Variants in SCFD2 observed in about 807,000 individuals in gnomAD.
SCFD2 encodes sec1 family domain-containing protein 2.
SCFD2 carries 54 observed loss-of-function variants against 58.9 expected under a neutral mutation model. The observed-to-expected ratio is 0.92, with a 90% CI of 0.74 to 1.15. The LOEUF (loss-of-function observed/expected upper bound fraction) is 1.15, where lower values mean the gene tolerates loss of function less well. SCFD2 is among the 50% of genes most tolerant of loss of function. The probability of loss-of-function intolerance (pLI) is 0.00; values close to 1 mark genes in which losing one functional copy is unlikely to be tolerated. For missense variants in SCFD2, 805 were observed against 836.6 expected (o/e 0.96, Z 0.47); for synonymous variants, 321 against 335.9 (o/e 0.96, Z 0.49).
At chr4:53,210,862 C>A (rs867539504) in intron 4 of SCFD2, among the ~76,000 whole-genome samples, 2 of 151,988 alleles carry the variant, frequency 1.3e-5, no homozygotes, top group South Asian at 4.2e-4. Context: ...TCTTCCCCTG[C>A]CTTTCTGTTG....
intron 5 of SCFD2, among the ~76,000 whole-genome samples, chr4:53,063,591 A>C (rs1288555948): frequency 6.6e-6 from 1 of 152,062 alleles, no homozygotes; most frequent in East Asian, 1.9e-4. Flanking sequence ...TGCCAGTCTC[A>C]AGTCAGATAA....
intron 5 of SCFD2, among the ~76,000 whole-genome samples, chr4:52,975,798 A>G (rs990573151): frequency 6.6e-6 from 1 of 152,216 alleles, no homozygotes; most frequent in African/African-American, 2.4e-5. Flanking sequence ...GATAGACTGT[A>G]TTAAGAAAAT....
At chr4:52,963,719 C>G (rs1483227) in intron 5 of SCFD2, among the ~76,000 whole-genome samples, 2 of 151,922 alleles carry the variant, frequency 1.3e-5, no homozygotes, top group South Asian at 4.2e-4. Flanking sequence ...AGACAGGATT[C>G]TCTTCTGTAA....
At chr4:53,024,936 TAG>T (rs1722437055) in intron 5 of SCFD2, among the ~76,000 whole-genome samples, 1 of 152,160 alleles carries the variant, frequency 6.6e-6, no homozygotes, top group African/African-American at 2.4e-5. Flanking sequence ...CCTAGAATAT[TAG>T]CTTAGGCTCT....
At chr4:52,923,049 G>A (rs1253688867) in intron 5 of SCFD2, among the ~76,000 whole-genome samples, 1 of 152,222 alleles carries the variant, frequency 6.6e-6, no homozygotes, top group Non-Finnish European at 1.5e-5. Context: ...GACACAGCGA[G>A]GTGGCATGTG....
At chr4:53,243,711 A>G (rs1458205932) in intron 4 of SCFD2, among the ~76,000 whole-genome samples, 4 of 151,916 alleles carry the variant, frequency 2.6e-5, no homozygotes, top group Non-Finnish European at 2.9e-5. Flanking sequence ...AAAAAGAGAG[A>G]AAAAAAAGAA....
intron 5 of SCFD2, among the ~76,000 whole-genome samples, chr4:53,140,390 C>A (rs1414539377): frequency 4.7e-4 from 2 of 4,276 alleles, no homozygotes; most frequent in African/African-American, 8.4e-4. Context: ...ACCAAAAATG[C>A]TAATATATAT....
At chr4:53,190,493 CCTT>C (rs1339873729) in intron 4 of SCFD2, among the ~76,000 whole-genome samples, 1 of 149,536 alleles carries the variant, frequency 6.7e-6, no homozygotes, top group Non-Finnish European at 1.5e-5. Flanking sequence ...CCAAATGTCA[CCTT>C]CTTAGTGAGG....
chr4:53,273,978 T>C lies in SCFD2; in HGVS notation c.1159A>G (p.Met387Val), dbSNP rs1187181289. 13 of 1,611,616 alleles carry C rather than the reference T, an allele frequency of 8.1e-6. No individual in the cohort carries two copies. The highest frequency in any genetic ancestry group is 1.0e-5 in the Non-Finnish European group (12 of 1,178,638). ...TTCTTGAAGAGCTGAATATAGGACA[T>C]GAGCTGTCCCGGTGTGACTCTCCCT... Reference protein sequence around the residue: ...SMGRVTPGQLMSYIQLFKNNL... With the variant: ...SMGRVTPGQLVSYIQLFKNNL... The change falls in exon 4 of 9, where the codon ATG becomes GTG. Residue 387 changes from methionine (M) to valine (V), a missense_variant. Met to Val is a conservative substitution (Grantham distance 21). This residue lies in a region of SCFD2 where 633 missense variants were observed against 646.8 expected (regional missense o/e 0.98). Coordinates refer to ENST00000401642, the MANE Select transcript of SCFD2 (RefSeq NM_152540.4).
In SCFD2 at chr4:52,873,770, CTTTT is replaced by C. The variant is rs74931823; in HGVS notation, c.*195_*198del. 2.4e-5 allele frequency: 8 copies of C among 332,410 alleles called. No homozygotes were observed. Among genetic ancestry groups the C allele is most frequent in the Admixed American group, 4.7e-5 (1 of 21,454 alleles). The allele number at this position is 332,410 out of a possible 1,614,324, so 20.6% of individuals were successfully genotyped here. A position where few individuals can be genotyped will look rare whatever the true frequency, so the allele number is the denominator to read the frequency against. On this transcript the variant is annotated 3_prime_UTR_variant, in exon 9 of 9. Transcript: ENST00000401642. ...TGTCGCCTTCAGGAAAATAAAAAAA[CTTTT>C]TTTTTTTTTTTTTAAGAATCACAGC...
At chr4:52,896,053 TG>T (rs1420419284) in intron 7 of SCFD2, among the ~76,000 whole-genome samples, 1 of 152,220 alleles carries the variant, frequency 6.6e-6, no homozygotes, top group African/African-American at 2.4e-5. Context: ...TTGTAGATTC[TG>T]GATATTAGCC....
chr4:53,288,932 A>G (rs1445451290), intron 3 of SCFD2, among the ~76,000 whole-genome samples: 1 of 152,078 alleles, frequency 6.6e-6, no homozygotes, highest in Non-Finnish European at 1.5e-5. Context: ...CAAAAACAAA[A>G]ATAGTTACAC....
At chr4:53,296,945 G>C (rs1207853827) in intron 3 of SCFD2, among the ~76,000 whole-genome samples, 1 of 152,158 alleles carries the variant, frequency 6.6e-6, no homozygotes, top group Non-Finnish European at 1.5e-5. Flanking sequence ...TAGTTGTGTG[G>C]TCTTGAGTGA....
chr4:52,972,657 C>G (rs1305076353), intron 5 of SCFD2, among the ~76,000 whole-genome samples: 1 of 152,140 alleles, frequency 6.6e-6, no homozygotes, highest in African/African-American at 2.4e-5. Context: ...CAGCTCTGCA[C>G]CAAGCAGACC....
intron 4 of SCFD2, among the ~76,000 whole-genome samples, chr4:53,189,157 G>A (rs1727822186): frequency 6.6e-6 from 1 of 152,218 alleles, no homozygotes; most frequent in Non-Finnish European, 1.5e-5. Context: ...CATGCTGAAA[G>A]AATGTAAGCT....
intron 4 of SCFD2, among the ~76,000 whole-genome samples, chr4:53,146,987 G>A (rs1388806072): frequency 6.6e-6 from 1 of 152,118 alleles, no homozygotes; most frequent in African/African-American, 2.4e-5. Context: ...GACTAGTGTA[G>A]TATATTAGAG....
intron 3 of SCFD2, among the ~76,000 whole-genome samples, chr4:53,289,309 T>A (rs1453847238): frequency 6.6e-6 from 1 of 152,150 alleles, no homozygotes; most frequent in African/African-American, 2.4e-5. Context: ...GAGGCTGCAG[T>A]GAGCCAAGAT....
At chr4:53,056,042 T>G (rs1165850989) in intron 5 of SCFD2, among the ~76,000 whole-genome samples, 1 of 151,878 alleles carries the variant, frequency 6.6e-6, no homozygotes, top group Non-Finnish European at 1.5e-5. Context: ...TACCAAATTA[T>G]GCTGCCAGAT....
Position 53,036,488 on chromosome 4 carries a change from A to AT in SCFD2, c.1561+108844dup, listed in dbSNP as rs1722763123. Among the ~76,000 whole-genome samples the AT allele has an allele frequency of 2.0e-5, 3 of 151,826 alleles. No homozygotes were observed. In the South Asian group the frequency reaches 6.3e-4, roughly 32 times the overall value. On this transcript the variant is annotated intron_variant, in intron 5 of 8. Transcript: ENST00000401642. ...ACCGGATAAAGAAAATGTGGCACAA[A>AT]TACACCCTGGAATACTATGCATCCA...
Sources: allele counts gnomAD v4.1 joint callset (sites outside exome capture counted in the v4.1 genomes callset), GRCh38; gene constraint gnomAD v4.1.1; regional missense constraint gnomAD v4.1.1; transcripts MANE v1.5; gene names NCBI Gene and HGNC (gene_info 2026-07-23, HGNC 2026-07-21).